TSPAN15: variants seen among roughly 807,000 people sequenced by gnomAD.
The protein encoded by TSPAN15 is tetraspanin-15.
In TSPAN15, 20 loss-of-function variants were observed where a neutral mutation model predicts 34.5. That is an observed-to-expected ratio of 0.58 (90% confidence interval 0.41 to 0.84). The LOEUF is 0.84. TSPAN15 is among the 40% of genes least tolerant of loss of function. The pLI, the probability that TSPAN15 is intolerant of heterozygous loss-of-function variation, is 0.00. For missense variants in TSPAN15, 313 were observed against 386.1 expected (o/e 0.81, Z 1.59); for synonymous variants, 155 against 153.9 (o/e 1.01, Z -0.05).
At chr10:69,519,473 A>G in the TSPAN15 span, among the ~76,000 whole-genome samples, 1 of 152,208 alleles carries the variant, frequency 6.6e-6, no homozygotes, top group South Asian at 2.1e-4. Flanking sequence ...AGTAAAAAAT[A>G]AAAACTAGAA....
chr10:69,477,069 C>T (rs747784945), intron 1 of TSPAN15, among the ~76,000 whole-genome samples: 32 of 152,096 alleles, frequency 2.1e-4, no homozygotes, highest in Non-Finnish European at 3.7e-4. Flanking sequence ...AGACTGTTTT[C>T]TCCCGAGTAA....
chr10:69,521,606 A>G, the TSPAN15 span, among the ~76,000 whole-genome samples: 43 of 147,950 alleles, frequency 2.9e-4, 3 homozygotes, highest in Non-Finnish European at 3.4e-4. Flanking sequence ...TATATAAAAT[A>G]AATACAATTA....
chr10:69,510,392 A>G (rs1842402571), downstream of TSPAN15, among the ~76,000 whole-genome samples: 1 of 152,190 alleles, frequency 6.6e-6, no homozygotes, highest in African/African-American at 2.4e-5. Context: ...TTATTGGTTT[A>G]TAGGAATGCT....
Position 69,455,625 on chromosome 10 carries a change from T to G in TSPAN15, c.96+3935T>G, listed in dbSNP as rs113628651. Among the ~76,000 whole-genome samples, 545 of 82,862 alleles carry G rather than the reference T, an allele frequency of 6.6e-3. 25 individuals carry two copies. Among genetic ancestry groups the G allele is most frequent in the East Asian group, 0.024 (86 of 3,628 alleles). 54.4% of individuals were successfully genotyped at this position (82,862 alleles called of 152,430 possible). On this transcript the variant is annotated intron_variant, in intron 1 of 7. Transcript: ENST00000373290. ...CTTTCTTTCTCTCTCTCTCTCTCTCTCCCCCCCCCGTCTCTTTCTTTCTTC... is the reference window on the plus strand; with the variant it reads ...CTTTCTTTCTCTCTCTCTCTCTCTCGCCCCCCCCCGTCTCTTTCTTTCTTC...
intron 5 of TSPAN15, among the ~76,000 whole-genome samples, chr10:69,500,737 A>T (rs1480690909): frequency 1.3e-5 from 2 of 152,166 alleles, no homozygotes; most frequent in African/African-American, 4.8e-5. Flanking sequence ...GCTGATTTAA[A>T]CATTAGCCTC....
At chr10:69,498,138 G>T in intron 4 of TSPAN15, 142 bp from the exon 5 acceptor site, 1 of 697,146 alleles carries the variant, frequency 1.4e-6, no homozygotes, top group South Asian at 1.7e-5. Flanking sequence ...TGACAGCTCT[G>T]ACTTGAAAGT....
chr10:69,498,219 TGTC>T, intron 4 of TSPAN15, 58 bp from the exon 5 acceptor site: 1 of 1,499,308 alleles, frequency 6.7e-7, no homozygotes. Flanking sequence ...GGCCCCTTCC[TGTC>T]GTCTGAGCAG....
rs181726366 is a variant in TSPAN15 at position 69,456,540 on chromosome 10, T to G, written c.96+4850T>G. ...GGAGGCTTTATATCAGTATTATGAATGGGAAACCAAGACGCCCATCATAAA... is the reference window on the plus strand; with the variant it reads ...GGAGGCTTTATATCAGTATTATGAAGGGGAAACCAAGACGCCCATCATAAA... On this transcript the variant is annotated intron_variant, in intron 1 of 7. Coordinates refer to ENST00000373290, the MANE Select transcript of TSPAN15 (RefSeq NM_012339.5). Among the ~76,000 whole-genome samples, 201 of 152,304 alleles carry G rather than the reference T, an allele frequency of 1.3e-3. 1 individual carries two copies. Among genetic ancestry groups the G allele is most frequent in the African/African-American group, 4.4e-3 (181 of 41,560 alleles).
chr10:69,538,729 C>G, the TSPAN15 span, among the ~76,000 whole-genome samples: 1 of 152,204 alleles, frequency 6.6e-6, no homozygotes, highest in Non-Finnish European at 1.5e-5. Flanking sequence ...TCATGACCAG[C>G]CTGAGAGTTA....
rs1041876324 is a variant in TSPAN15, at chr10:69,481,461, T to A, written c.97-2230T>A. On this transcript the variant is annotated intron_variant, in intron 1 of 7. Transcript: ENST00000373290. ...TGTTTCTGCATAAGCTCTGTCTGCT[T>A]ATTTGACTTTTGGCATCCCCGTCAC... Among the ~76,000 whole-genome samples, 2 of 152,240 alleles carry A rather than the reference T, an allele frequency of 1.3e-5. 1 individual carries two copies. The highest frequency in any genetic ancestry group is 4.1e-4 in the South Asian group (2 of 4,832).
chr10:69,539,537 AGGAG>A, the TSPAN15 span, among the ~76,000 whole-genome samples: 10 of 48,034 alleles, frequency 2.1e-4, no homozygotes, highest in East Asian at 5.9e-3. Context: ...AAGAAGAAGA[AGGAG>A]AAGGAGAAGG....
At chr10:69,494,246 C>T (rs1012493971) in intron 3 of TSPAN15, among the ~76,000 whole-genome samples, 4 of 152,144 alleles carry the variant, frequency 2.6e-5, no homozygotes, top group Admixed American at 6.5e-5. Flanking sequence ...GTTGGGGCCT[C>T]GGTTTCCCAC....
intron 5 of TSPAN15, among the ~76,000 whole-genome samples, 170 bp downstream of exon 5, chr10:69,498,566 G>A (rs1207336020): frequency 6.6e-6 from 1 of 152,182 alleles, no homozygotes; most frequent in Non-Finnish European, 1.5e-5. Flanking sequence ...TCCTGAAAGT[G>A]GAGCTTCTGG....
chr10:69,481,848 C>T (rs1171139868), intron 1 of TSPAN15, among the ~76,000 whole-genome samples: 1 of 152,076 alleles, frequency 6.6e-6, no homozygotes, highest in East Asian at 1.9e-4. Context: ...AACATGAGGC[C>T]CAGAAAGTCA....
At chr10:69,481,574 C>T (rs921178829) in intron 1 of TSPAN15, among the ~76,000 whole-genome samples, 1 of 152,222 alleles carries the variant, frequency 6.6e-6, no homozygotes, top group Non-Finnish European at 1.5e-5. Context: ...TGCTTAAGGA[C>T]ATGATGATCA....
chr10:69,492,424 G>A (rs559740460), intron 3 of TSPAN15, among the ~76,000 whole-genome samples: 2 of 152,158 alleles, frequency 1.3e-5, no homozygotes, highest in East Asian at 1.9e-4. Context: ...ACATACACAC[G>A]TGCACACACA....
the TSPAN15 span, among the ~76,000 whole-genome samples, chr10:69,535,756 A>G: frequency 2.0e-5 from 3 of 152,204 alleles, no homozygotes; most frequent in Admixed American, 2.0e-4. Context: ...CCTTACATTC[A>G]GGAGATGCTC....
At chr10:69,539,474 AG>A in the TSPAN15 span, among the ~76,000 whole-genome samples, 71 of 61,688 alleles carry the variant, frequency 1.2e-3, 1 homozygote, top group African/African-American at 1.5e-3. Context: ...GAGAAGGAGA[AG>A]GAGAAGGAGA....
At chr10:69,526,786 C>CAAA in the TSPAN15 span, among the ~76,000 whole-genome samples, 21 of 60,970 alleles carry the variant, frequency 3.4e-4, no homozygotes, top group Non-Finnish European at 4.7e-4. Flanking sequence ...GACCCTGTCT[C>CAAA]AAAAAAAAAA....
Sources: allele counts gnomAD v4.1 joint callset (sites outside exome capture counted in the v4.1 genomes callset), GRCh38; gene constraint gnomAD v4.1.1; transcripts MANE v1.5; gene names NCBI Gene and HGNC (gene_info 2026-07-23, HGNC 2026-07-21).